MYLK: variants seen among roughly 807,000 people sequenced by gnomAD.
The protein encoded by MYLK is myosin light chain kinase.
In MYLK, 106 loss-of-function variants were observed where a neutral mutation model predicts 203.4. The observed-to-expected ratio is 0.52, with a 90% CI of 0.45 to 0.61. The LOEUF (loss-of-function observed/expected upper bound fraction) is 0.61, where lower values mean the gene tolerates loss of function less well. MYLK is among the 20% of genes least tolerant of loss of function. The pLI is 0.00. For synonymous variants in MYLK, 867 were observed against 959.5 expected, an observed-to-expected ratio of 0.90 and a Z score of 1.78; for missense variants, 2,072 against 2,442.3, an observed-to-expected ratio of 0.85 and a Z score of 3.20.
intron 24 of MYLK, among the ~76,000 whole-genome samples, chr3:123,652,954 A>G (rs2059264914): frequency 6.6e-6 from 1 of 152,164 alleles, no homozygotes; most frequent in African/African-American, 2.4e-5. Context: ...CCCAGTGCCC[A>G]TGGCAGTGCC....
At chr3:123,697,787 G>T (rs1370232709) in intron 18 of MYLK, among the ~76,000 whole-genome samples, 1 of 152,142 alleles carries the variant, frequency 6.6e-6, no homozygotes, top group African/African-American at 2.4e-5. Flanking sequence ...TTGATTTGGG[G>T]CTCTCTCTGG....
intron 11 of MYLK, among the ~76,000 whole-genome samples, chr3:123,729,767 G>A (rs566830641): frequency 3.6e-4 from 55 of 151,946 alleles, no homozygotes; most frequent in East Asian, 1.4e-3. Context: ...TGTGGTCCCA[G>A]CTACCCAGGA....
chr3:123,845,143 AC>A (rs2066683933), intron 2 of MYLK, among the ~76,000 whole-genome samples: 1 of 152,158 alleles, frequency 6.6e-6, no homozygotes, highest in Admixed American at 6.5e-5. Context: ...CTTTTTGCTC[AC>A]TGAGTTCCTC....
At chr3:123,789,145 G>A (rs1403490065) in intron 4 of MYLK, among the ~76,000 whole-genome samples, 1 of 152,136 alleles carries the variant, frequency 6.6e-6, no homozygotes. Flanking sequence ...CTGGCTGTCT[G>A]TACATGGAAG....
intron 22 of MYLK, among the ~76,000 whole-genome samples, chr3:123,665,289 G>C (rs2059699382): frequency 6.6e-6 from 1 of 152,220 alleles, no homozygotes; most frequent in Non-Finnish European, 1.5e-5. Flanking sequence ...AGGGCAGAAA[G>C]TTCTGAAGGA....
chr3:123,881,600 G>A (rs75628410), intron 1 of MYLK, among the ~76,000 whole-genome samples: 1 of 152,072 alleles, frequency 6.6e-6, no homozygotes, highest in East Asian at 1.9e-4. Flanking sequence ...ATACTCATGG[G>A]ACACTGTACC....
intron 13 of MYLK, among the ~76,000 whole-genome samples, chr3:123,714,166 C>A (rs568256606): frequency 5.9e-5 from 9 of 152,264 alleles, no homozygotes; most frequent in African/African-American, 1.9e-4. Context: ...AAGTATTGGG[C>A]AGATTGTGTC....
At chr3:123,619,709 G>A (rs1433045338) in intron 32 of MYLK, among the ~76,000 whole-genome samples, 1 of 152,138 alleles carries the variant, frequency 6.6e-6, no homozygotes, top group East Asian at 1.9e-4. Context: ...AGTCTGCCCA[G>A]TTCAAATGAC....
At position 123,843,069 on chromosome 3, in the gene MYLK, G is replaced by A. The variant is rs141460155; in HGVS notation, c.-126-11399C>T. Among the ~76,000 whole-genome samples the A allele has an allele frequency of 3.5e-3, 534 of 152,248 alleles. 1 individual carries two copies. The highest frequency in any genetic ancestry group is 0.012 in the African/African-American group (501 of 41,542). ...AGTGTGGAATACAGCTTATCAGGCA[G>A]GGACCTAGAACCAGAAGGAGTAACA... On this transcript the variant is annotated intron_variant, in intron 2 of 33. Coordinates refer to ENST00000360304, the MANE Select transcript of MYLK (RefSeq NM_053025.4).
chr3:123,610,650 C>T lies in MYLK; in HGVS notation c.*3455G>A, dbSNP rs966599229. ...AGCAACAACTGCCACCAACATTAGC[C>T]CCCCCTTTCAAATTACAGGAAGGAG... On this transcript the variant is annotated 3_prime_UTR_variant, in exon 34 of 34. Coordinates refer to ENST00000360304, the MANE Select transcript of MYLK (RefSeq NM_053025.4). 1 of 152,126 alleles carries T rather than the reference C, an allele frequency of 6.6e-6. No homozygotes were observed. The highest frequency in any genetic ancestry group is 1.5e-5 in the Non-Finnish European group (1 of 68,038). The allele number at this position is 152,126 out of a possible 1,614,324, so 9.4% of individuals were successfully genotyped here.
intron 4 of MYLK, among the ~76,000 whole-genome samples, chr3:123,778,690 T>G (rs918215802): frequency 2.6e-5 from 4 of 152,176 alleles, no homozygotes; most frequent in African/African-American, 9.7e-5. Flanking sequence ...CCACTTCCCA[T>G]GTGCTCGCCC....
At position 123,678,853 on chromosome 3, in the gene MYLK, G is replaced by A. The variant is rs182527364; in HGVS notation, c.3652+3371C>T. On this transcript the variant is annotated intron_variant, in intron 20 of 33. Transcript: ENST00000360304. ...AAAAGTCACTGAGTATTTTTGGGGC[G>A]TGAGTAGAATTGGGGTGAGATGAAA... Among the ~76,000 whole-genome samples, 139 of 152,264 alleles carry A rather than the reference G, an allele frequency of 9.1e-4. 2 individuals carry two copies. Among genetic ancestry groups the A allele is most frequent in the African/African-American group, 3.1e-3 (128 of 41,540 alleles).
chr3:123,626,712 A>C, intron 31 of MYLK, 106 bp downstream of exon 31: 1 of 1,559,708 alleles, frequency 6.4e-7, no homozygotes, highest in Non-Finnish European at 8.8e-7. Context: ...TCAGAAATAA[A>C]TTTAAACTTT....
At chr3:123,748,230 T>C (rs966194042) in intron 5 of MYLK, among the ~76,000 whole-genome samples, 1 of 152,206 alleles carries the variant, frequency 6.6e-6, no homozygotes, top group African/African-American at 2.4e-5. Flanking sequence ...CCAGATCTCA[T>C]GTGAACTAAC....
intron 19 of MYLK, among the ~76,000 whole-genome samples, chr3:123,689,895 T>C (rs1576565294): frequency 6.6e-6 from 1 of 152,238 alleles, no homozygotes; most frequent in East Asian, 1.9e-4. Context: ...AATAGCCAGC[T>C]GTGCTGTGTT....
At chr3:123,762,846 A>C (rs1156347701) in intron 4 of MYLK, among the ~76,000 whole-genome samples, 1 of 152,132 alleles carries the variant, frequency 6.6e-6, no homozygotes. Flanking sequence ...TGGTGCATTG[A>C]TCTTAGACTT....
chr3:123,633,324 G>T (rs559869471), intron 29 of MYLK, among the ~76,000 whole-genome samples: 2 of 150,810 alleles, frequency 1.3e-5, no homozygotes, highest in South Asian at 4.2e-4. Context: ...ATGGGGTTTT[G>T]CCATGTTGCC....
At chr3:123,844,392 C>G (rs2066661850) in intron 2 of MYLK, among the ~76,000 whole-genome samples, 1 of 152,230 alleles carries the variant, frequency 6.6e-6, no homozygotes, top group African/African-American at 2.4e-5. Flanking sequence ...TGTCTTGGCT[C>G]AGGTTCCACA....
At chr3:123,788,196 C>T (rs890356710) in intron 4 of MYLK, among the ~76,000 whole-genome samples, 20 of 152,180 alleles carry the variant, frequency 1.3e-4, no homozygotes, top group Non-Finnish European at 2.5e-4. Flanking sequence ...CACTCCCAGC[C>T]TCATCTTAAT....
Sources: gnomAD v4.1 joint callset for allele counts (sites outside exome capture counted in the v4.1 genomes callset) on GRCh38, gnomAD v4.1.1 for gene constraint, MANE v1.5 for transcripts, NCBI Gene and HGNC (gene_info 2026-07-23, HGNC 2026-07-21) for gene names.